GRAMD1B: variants seen among roughly 807,000 people sequenced by gnomAD.
GRAMD1B encodes protein Aster-B.
GRAMD1B carries 37 observed loss-of-function variants against 99.7 expected under a neutral mutation model. The ratio of observed to expected loss-of-function variants is 0.37; its 90% CI spans 0.29 to 0.49. The LOEUF is 0.49. Among genes scored for constraint, GRAMD1B ranks in the 20% least tolerant of loss-of-function variants. The probability of loss-of-function intolerance (pLI) is 0.98; values close to 1 mark genes in which losing one functional copy is unlikely to be tolerated. For synonymous variants in GRAMD1B, 427 were observed against 387.6 expected, an observed-to-expected ratio of 1.10 and a Z score of -1.19; for missense variants, 888 against 1,009.2, an observed-to-expected ratio of 0.88 and a Z score of 1.63.
chr11:123,501,050 A>G (rs987713604), intron 2 of GRAMD1B, among the ~76,000 whole-genome samples: 3 of 152,210 alleles, frequency 2.0e-5, no homozygotes, highest in African/African-American at 7.2e-5. Context: ...CAACTCTAAA[A>G]GGGAAATTAC....
At chr11:123,566,005 C>T (rs957785982) in intron 2 of GRAMD1B, among the ~76,000 whole-genome samples, 4 of 152,264 alleles carry the variant, frequency 2.6e-5, no homozygotes, top group East Asian at 3.9e-4. Context: ...ACTCTCATCC[C>T]GTGTCTTTGC....
intron 1 of GRAMD1B, among the ~76,000 whole-genome samples, chr11:123,372,761 C>T (rs1368008748): frequency 1.3e-5 from 2 of 152,160 alleles, no homozygotes; most frequent in Admixed American, 6.5e-5. Flanking sequence ...ATATCATATG[C>T]ATATGAATAG....
intron 4 of GRAMD1B, among the ~76,000 whole-genome samples, chr11:123,590,449 A>G (rs1046742422): frequency 6.6e-6 from 1 of 152,176 alleles, no homozygotes; most frequent in Admixed American, 6.5e-5. Flanking sequence ...AGCCCTGGCC[A>G]GCAACTTTCC....
intron 17 of GRAMD1B, among the ~76,000 whole-genome samples, chr11:123,616,935 T>C (rs75431905): frequency 6.6e-6 from 1 of 152,032 alleles, no homozygotes; most frequent in East Asian, 1.9e-4. Context: ...AAATTCAACA[T>C]AAAAGTTTTA....
At chr11:123,518,488 G>A (rs889992290) in intron 2 of GRAMD1B, among the ~76,000 whole-genome samples, 1 of 152,196 alleles carries the variant, frequency 6.6e-6, no homozygotes, top group Non-Finnish European at 1.5e-5. Flanking sequence ...TGATCCCAAT[G>A]TATGGCCTGG....
chr11:123,623,401 T>C lies in GRAMD1B; in HGVS notation c.*806T>C, dbSNP rs1846302489. On this transcript the variant is annotated 3_prime_UTR_variant, in exon 20 of 20. Coordinates refer to ENST00000635736, the MANE Select transcript of GRAMD1B (RefSeq NM_001387025.1). The stretch of plus-strand genomic sequence containing the variant: ...TTAGTGCCTAAAGTCCTATTGTTTC[T>C]CTGTGCCCTAAGAGCACATTGTTTA... 6.6e-6 allele frequency: 1 copy of C among 152,254 alleles called. No homozygotes were observed. Among genetic ancestry groups the C allele is most frequent in the African/African-American group, 2.4e-5 (1 of 41,468 alleles). 9.4% of individuals were successfully genotyped at this position (152,254 alleles called of 1,614,324 possible). A position where few individuals can be genotyped will look rare whatever the true frequency, so the allele number is the denominator to read the frequency against.
intron 2 of GRAMD1B, among the ~76,000 whole-genome samples, chr11:123,567,372 A>T (rs368228465): frequency 6.6e-6 from 1 of 152,226 alleles, no homozygotes; most frequent in African/African-American, 2.4e-5. Flanking sequence ...ACTGCAGATG[A>T]GCCCTTTGGG....
upstream of GRAMD1B, among the ~76,000 whole-genome samples, chr11:123,426,088 T>A (rs1948638133): frequency 6.6e-6 from 1 of 152,242 alleles, no homozygotes; most frequent in African/African-American, 2.4e-5. Flanking sequence ...GTGATCAAAA[T>A]GCCTTTGAGC....
chr11:123,475,692 GAC>G (rs1951231802), intron 1 of GRAMD1B, among the ~76,000 whole-genome samples: 1 of 152,188 alleles, frequency 6.6e-6, no homozygotes, highest in African/African-American at 2.4e-5. Flanking sequence ...GTTTCCAACA[GAC>G]AGTTTCATCT....
intron 2 of GRAMD1B, among the ~76,000 whole-genome samples, chr11:123,500,235 C>T (rs960289279): frequency 5.3e-5 from 8 of 152,122 alleles, no homozygotes; most frequent in Non-Finnish European, 7.4e-5. Flanking sequence ...GCAGGAGAAT[C>T]GCTTGAACCC....
rs190397278 is a variant in GRAMD1B at position 123,566,689 on chromosome 11, T to C, written c.453-10678T>C. ...GCTGAGGCAGGAGAATGGTGTGAAC[T>C]CAGGAAGCGGAGCTTGCAGTGAGCC... On this transcript the variant is annotated intron_variant, in intron 2 of 19. Transcript: ENST00000635736. Among the ~76,000 whole-genome samples the C allele has an allele frequency of 4.2e-3, 630 of 151,618 alleles. 5 individuals carry two copies. The highest frequency in any genetic ancestry group is 0.015 in the African/African-American group (601 of 41,308).
rs532792774 is a variant in GRAMD1B, at chr11:123,461,320, T to C, written c.375-19496T>C. 2.6e-5 allele frequency among the ~76,000 whole-genome samples: 4 copies of C among 152,320 alleles called. No individual in the cohort carries two copies. The East Asian group carries it at 5.8e-4, about 22-fold the overall frequency. On this transcript the variant is annotated intron_variant, in intron 1 of 19. Coordinates refer to ENST00000635736, the MANE Select transcript of GRAMD1B (RefSeq NM_001387025.1). ...GCCAAGCTGGCACTGCTACCAGGAC[T>C]GTTTCCTAAGAGTCCCCCAGGGCAC...
At chr11:123,383,489 C>A (rs1047338813) in intron 1 of GRAMD1B, among the ~76,000 whole-genome samples, 3 of 152,112 alleles carry the variant, frequency 2.0e-5, no homozygotes, top group African/African-American at 7.2e-5. Flanking sequence ...GACTATGTAT[C>A]TTTATCTGTG....
At chr11:123,428,057 CCT>C (rs1268606166), upstream of GRAMD1B, among the ~76,000 whole-genome samples, 8 of 152,146 alleles carry the variant, frequency 5.3e-5, no homozygotes, top group African/African-American at 1.9e-4. Context: ...TCTTCTGGCC[CCT>C]GTCTTGTGGA....
chr11:123,436,456 G>A (rs1004449297), intron 1 of GRAMD1B, among the ~76,000 whole-genome samples: 8 of 152,172 alleles, frequency 5.3e-5, no homozygotes, highest in African/African-American at 1.9e-4. Flanking sequence ...CTGACAGACC[G>A]AAGGTGATTT....
At chr11:123,582,967 C>T (rs112105755) in intron 3 of GRAMD1B, among the ~76,000 whole-genome samples, 3,215 of 152,278 alleles carry the variant, frequency 0.021, 84 homozygotes, top group African/African-American at 0.057. Context: ...TAAGCTCCAC[C>T]GAGAGATGGA....
Position 123,374,233 on chromosome 11 carries a change from G to C in GRAMD1B, c.-176+15434G>C, listed in dbSNP as rs567846579. Among the ~76,000 whole-genome samples the C allele has an allele frequency of 1.4e-4, 21 of 152,274 alleles. No homozygotes were observed. In the East Asian group the frequency reaches 3.7e-3, roughly 27 times the overall value. On this transcript the variant is annotated intron_variant, in intron 1 of 20. Coordinates refer to the GRAMD1B transcript ENST00000638157. ...CATCAAATACTTTTGTGTTGTATCT[G>C]TTTCATTCTCCCCTGCCCCAGTCAA...
At chr11:123,617,182 T>TG (rs1555108098) in intron 17 of GRAMD1B, among the ~76,000 whole-genome samples, 3 of 150,038 alleles carry the variant, frequency 2.0e-5, no homozygotes, top group South Asian at 2.1e-4. Context: ...TTTTTTTTTT[T>TG]TTTGTTTGTT....
chr11:123,372,926 C>T (rs183297004), intron 1 of GRAMD1B, among the ~76,000 whole-genome samples: 75 of 152,086 alleles, frequency 4.9e-4, no homozygotes, highest in African/African-American at 1.7e-3. Context: ...GATCACTTGA[C>T]GCCAGGAGAT....
Sources: allele counts gnomAD v4.1 joint callset (sites outside exome capture counted in the v4.1 genomes callset), GRCh38; gene constraint gnomAD v4.1.1; transcripts MANE v1.5; gene names NCBI Gene and HGNC (gene_info 2026-07-23, HGNC 2026-07-21).